Variants in UBC observed in about 807,000 individuals in gnomAD.
UBC encodes polyubiquitin-C.
In UBC, 8 loss-of-function variants were observed where a neutral mutation model predicts 34.7. The observed-to-expected ratio is 0.23, with a 90% CI of 0.14 to 0.42. The LOEUF (loss-of-function observed/expected upper bound fraction) is 0.42, where lower values mean the gene tolerates loss of function less well. Among genes scored for constraint, UBC ranks in the 10% least tolerant of loss-of-function variants. The pLI, the probability that UBC is intolerant of heterozygous loss-of-function variation, is 1.00. For missense variants in UBC, 323 were observed against 750.3 expected, an observed-to-expected ratio of 0.43 and a Z score of 6.65; for synonymous variants, 367 against 299.8, an observed-to-expected ratio of 1.22 and a Z score of -2.32.
At position 124,913,118 on chromosome 12, in the gene UBC, G is replaced by A. The variant is rs782078705; in HGVS notation, c.654C>T (p.Thr218=). The A allele has an allele frequency of 5.6e-6, 9 of 1,608,740 alleles. No individual in the cohort carries two copies. In the East Asian group the frequency reaches 6.7e-5, roughly 12 times the overall value. The stretch of plus-strand genomic sequence containing the variant: ...CTCTGAGACGGAGTACCAGGTGCAA[G>A]GTGGACTCTTTCTGGATGTTGTAGT... The part of the protein sequence containing the change: ...LSDYNIQKES[T]LHLVLRLRGG... The change falls in exon 2 of 2, where the codon ACC becomes ACT. Residue 218 remains threonine, a synonymous_variant. Coordinates refer to ENST00000339647, the MANE Select transcript of UBC (RefSeq NM_021009.7).
chr12:124,914,157 G>A (rs781275147), intron 1 of UBC: 5 of 249,674 alleles, frequency 2.0e-5, no homozygotes, highest in Non-Finnish European at 3.9e-5. Context: ...CACGACGAGG[G>A]CGCGCGCTCC....
At chr12:124,913,920 T>A in intron 1 of UBC, 146 bp from the exon 2 acceptor site, 2 of 1,291,962 alleles carry the variant, frequency 1.5e-6, no homozygotes, top group Non-Finnish European at 2.1e-6. Flanking sequence ...AGCGCATAGT[T>A]CAAAACCGGA....
At position 124,913,168 on chromosome 12, in the gene UBC, G is replaced by T. The variant is rs782218458; in HGVS notation, c.604C>A (p.Leu202Met). The change falls in exon 2 of 2, where the codon CTG becomes ATG. Residue 202 changes from leucine (L) to methionine (M), a missense_variant. Physicochemically the swap from Leu to Met is conservative, Grantham distance 15. Transcript: ENST00000339647. ...QQRLIFAGKQLEDGRTLSDYN... is the reference protein window; with the variant it reads ...QQRLIFAGKQMEDGRTLSDYN... ...TCAGACAGGGTACGACCATCTTCCA[G>T]CTGTTTTCCGGCAAAGATCAACCTC... is the stretch of plus-strand genomic sequence containing the variant. 1 of 1,611,290 alleles carries T rather than the reference G, an allele frequency of 6.2e-7. No individual in the cohort carries two copies. Among genetic ancestry groups the T allele is most frequent in the East Asian group, 2.2e-5 (1 of 44,672 alleles).
Position 124,914,041 on chromosome 12 carries a change from C to T in UBC, c.-3-267G>A, listed in dbSNP as rs1594453361. The T allele has an allele frequency of 9.6e-6, 5 of 522,294 alleles. No individual in the cohort carries two copies. The South Asian group carries it at 1.1e-4, about 11-fold the overall frequency. 32.4% of individuals were successfully genotyped at this position (522,294 alleles called of 1,614,324 possible). On this transcript the variant is annotated intron_variant, in intron 1 of 1. Transcript: ENST00000339647. ...CGCCTGTCGATTCAGGAGAGCCTAC[C>T]CTAGGCCCGAACCCTGCGTCCTGCG...
intron 1 of UBC, 86 bp from the exon 2 acceptor site, chr12:124,913,860 C>T (rs1407500918): frequency 7.0e-6 from 11 of 1,561,952 alleles, no homozygotes; most frequent in Admixed American, 3.9e-5. Context: ...CAAATGATTA[C>T]ATTTCAAAAG....
rs576100767 is a variant in UBC, at chr12:124,912,696, G to A, written c.1076C>T (p.Thr359Ile). ...FAGKQLEDGR[T>I]LSDYNIQKES... ...TTTCTGGATGTTGTAGTCAGACAGG[G>A]TACGACCATCTTCCAGCTGTTTTCC... is the stretch of plus-strand genomic sequence containing the variant. The change falls in exon 2 of 2, where the codon ACC (threonine) becomes ATC (isoleucine). Residue 359 changes from threonine (T) to isoleucine (I), a missense_variant. Around this residue, in one of 5 missense-constraint regions of UBC, gnomAD observed 66 missense variants for 125.4 expected, o/e 0.53. Coordinates refer to ENST00000339647, the MANE Select transcript of UBC (RefSeq NM_021009.7). 2.5e-6 allele frequency: 4 copies of A among 1,610,486 alleles called. No homozygotes were observed. The highest frequency in any genetic ancestry group is 3.4e-5 in the Admixed American group (2 of 59,652).
At chr12:124,914,068 C>T (rs945317069) in intron 1 of UBC, 2 of 439,826 alleles carry the variant, frequency 4.5e-6, no homozygotes, top group East Asian at 9.3e-5. Context: ...CGTCCTGCGA[C>T]GGAGAAAAGC....
Position 124,913,553 on chromosome 12 carries a change from G to A in UBC, c.219C>T (p.Leu73=), listed in dbSNP as rs142678360. The change falls in exon 2 of 2, where the codon CTC becomes CTT. Residue 73 remains leucine, a synonymous_variant. Transcript: ENST00000339647. Reference sequence around the variant, plus strand: ...TCACGAAGATTTGCATCCCACCTCTGAGACGGAGCACCAGGTGCAGGGTGG... The same window carrying A: ...TCACGAAGATTTGCATCCCACCTCTAAGACGGAGCACCAGGTGCAGGGTGG... The part of the protein sequence containing the change: ...KESTLHLVLR[L]RGGMQIFVKT... 245 of 1,609,426 alleles carry A rather than the reference G, an allele frequency of 1.5e-4. No individual in the cohort carries two copies. The highest frequency in any genetic ancestry group is 2.0e-4 in the Non-Finnish European group (238 of 1,178,688).
Position 124,912,669 on chromosome 12 carries a change from T to C in UBC, c.1103A>G (p.Glu368Gly), listed in dbSNP as rs1339786289. The C allele has an allele frequency of 6.2e-7, 1 of 1,611,262 alleles. No individual in the cohort carries two copies. The highest frequency in any genetic ancestry group is 8.5e-7 in the Non-Finnish European group (1 of 1,179,324). Residue 368 changes from glutamate to glycine, a missense_variant, in exon 2 of 2, where the codon GAG (glutamate) becomes GGG (glycine). Glu to Gly is a moderately conservative substitution (Grantham distance 98). This residue lies in a region of UBC where 66 missense variants were observed against 125.4 expected (regional missense o/e 0.53). Coordinates refer to ENST00000339647, the MANE Select transcript of UBC (RefSeq NM_021009.7). ...RTLSDYNIQK[E>G]STLHLVLRLR... ...ACGGAGCACCAGGTGCAAGGTGGACTCTTTCTGGATGTTGTAGTCAGACAG... is the reference window on the plus strand; with the variant it reads ...ACGGAGCACCAGGTGCAAGGTGGACCCTTTCTGGATGTTGTAGTCAGACAG...
At position 124,913,871 on chromosome 12, in the gene UBC, G is replaced by A. The variant is rs185128713; in HGVS notation, c.-3-97C>T. 3.3e-3 allele frequency: 5,086 copies of A among 1,548,606 alleles called. 31 individuals are homozygous for A. Among genetic ancestry groups the A allele is most frequent in the South Asian group, 0.014 (1,082 of 80,100 alleles). On this transcript the variant is annotated intron_variant, in intron 1 of 1. Coordinates refer to ENST00000339647, the MANE Select transcript of UBC (RefSeq NM_021009.7). ...GACCCAAATGATTACATTTCAAAAG[G>A]TGCCTAAAAAACTTCACAAAACACA...
intron 1 of UBC, chr12:124,914,135 G>C (rs1015823336): frequency 2.2e-5 from 6 of 276,764 alleles, no homozygotes; most frequent in African/African-American, 8.9e-5. Flanking sequence ...AACAGAACGG[G>C]TGACGTCACG....
At chr12:124,913,960 A>G in intron 1 of UBC, 186 bp from the exon 2 acceptor site, 1 of 905,352 alleles carries the variant, frequency 1.1e-6, no homozygotes, top group East Asian at 2.7e-5. Flanking sequence ...ATAGGTACAT[A>G]AAACCGACCA....
rs1071799 is a variant in UBC at position 124,911,897 on chromosome 12, C to A, written c.1875G>T (p.Val625=). The A allele has an allele frequency of 6.2e-7, 1 of 1,609,590 alleles. No individual in the cohort carries two copies. Among genetic ancestry groups the A allele is most frequent in the Non-Finnish European group, 8.5e-7 (1 of 1,178,462 alleles). Residue 625 remains valine, a synonymous_variant, in exon 2 of 2, where the codon GTG becomes GTT. Coordinates refer to ENST00000339647, the MANE Select transcript of UBC (RefSeq NM_021009.7). The stretch of plus-strand genomic sequence containing the variant: ...CATTCTCGATGGTGTCACTGGGCTC[C>A]ACCTCGAGGGTGATGGTCTTACCAG... ...TLTGKTITLE[V]EPSDTIENVK... is the part of the protein sequence containing the mutation.
Position 124,913,870 on chromosome 12 carries a change from G to C in UBC, c.-3-96C>G, listed in dbSNP as rs538442214. ...TGACCCAAATGATTACATTTCAAAA[G>C]GTGCCTAAAAAACTTCACAAAACAC... On this transcript the variant is annotated intron_variant, in intron 1 of 1. Transcript: ENST00000339647. 9 of 1,549,680 alleles carry C rather than the reference G, an allele frequency of 5.8e-6. No homozygotes were observed. The East Asian group carries it at 9.0e-5, about 15-fold the overall frequency.
chr12:124,914,193 G>C (rs531131053), intron 1 of UBC: 1 of 214,914 alleles, frequency 4.7e-6, no homozygotes, highest in South Asian at 6.6e-5. Context: ...ACTGCCCAAC[G>C]GCACCGCCAT....
intron 1 of UBC, 173 bp from the exon 2 acceptor site, chr12:124,913,947 A>G: frequency 9.9e-7 from 1 of 1,013,858 alleles, no homozygotes; most frequent in Non-Finnish European, 1.4e-6. Flanking sequence ...GCTACTTAAG[A>G]AGATAGGTAC....
Position 124,913,265 on chromosome 12 carries a change from C to T in UBC, c.507G>A (p.Val169=). The T allele has an allele frequency of 6.3e-7, 1 of 1,597,898 alleles. No individual in the cohort carries two copies. Among genetic ancestry groups the T allele is most frequent in the South Asian group, 1.1e-5 (1 of 90,084 alleles). Residue 169 remains valine, a synonymous_variant, in exon 2 of 2, where the codon GTG becomes GTA. Coordinates refer to ENST00000339647, the MANE Select transcript of UBC (RefSeq NM_021009.7). Reference sequence around the variant, plus strand: ...CATTCTCGATGGTGTCACTGGGCTCCACCTCGAGGGTGATGGTCTTACCAG... The same window carrying T: ...CATTCTCGATGGTGTCACTGGGCTCTACCTCGAGGGTGATGGTCTTACCAG... ...TLTGKTITLE[V]EPSDTIENVK...
In UBC at chr12:124,912,770, G is replaced by T; in HGVS notation, c.1002C>A (p.Ile334=). The T allele has an allele frequency of 6.2e-7, 1 of 1,605,188 alleles. No homozygotes were observed. The highest frequency in any genetic ancestry group is 8.5e-7 in the Non-Finnish European group (1 of 1,177,658). Residue 334 remains isoleucine (I), a synonymous_variant, in exon 2 of 2, where the codon ATC becomes ATA. Transcript: ENST00000339647. ...SDTIENVKAK[I]QDKEGIPPDQ... ...CAGGAGGGATGCCTTCCTTGTCTTG[G>T]ATCTTTGCCTTGACATTCTCAATGG... is the stretch of plus-strand genomic sequence containing the variant.
chr12:124,913,379 G>C lies in UBC; in HGVS notation c.393C>G (p.Thr131=), dbSNP rs750484082. ...FAGKQLEDGR[T]LSDYNIQKES... is the part of the protein sequence containing the mutation. The stretch of plus-strand genomic sequence containing the variant: ...CTTTCTGGATGTTGTAGTCAGACAG[G>C]GTGCGCCCATCTTCCAGCTGCTTTC... Residue 131 remains threonine, a synonymous_variant, in exon 2 of 2, where the codon ACC becomes ACG. Transcript: ENST00000339647. 2.5e-6 allele frequency: 4 copies of C among 1,608,626 alleles called. 1 individual carries two copies. Among genetic ancestry groups the C allele is most frequent in the South Asian group, 2.2e-5 (2 of 90,660 alleles).
Sources: gnomAD v4.1 joint callset for allele counts on GRCh38, gnomAD v4.1.1 for gene constraint, gnomAD v4.1.1 regional missense constraint, MANE v1.5 for transcripts, NCBI Gene and HGNC (gene_info 2026-07-23, HGNC 2026-07-21) for gene names.